MUCL1: variants seen among roughly 807,000 people sequenced by gnomAD.
The protein encoded by MUCL1 is mucin-like protein 1.
In MUCL1, 11 loss-of-function variants were observed where a neutral mutation model predicts 9.2. That is an observed-to-expected ratio of 1.19 (90% CI 0.75 to 1.97). The LOEUF is 1.97. Among genes scored for constraint, MUCL1 ranks in the 30% most tolerant of loss-of-function variants. The pLI is 0.00. For synonymous variants in MUCL1, 48 were observed against 40.5 expected (o/e 1.19, Z -0.71); for missense variants, 144 against 110.9 (o/e 1.30, Z -1.34).
upstream of MUCL1, among the ~76,000 whole-genome samples, chr12:54,838,623 C>A (rs928887667): frequency 2.6e-5 from 4 of 151,954 alleles, no homozygotes; most frequent in Non-Finnish European, 1.5e-5. Context: ...TTGTTCATTT[C>A]TTTTATTTTT....
intron 1 of MUCL1, among the ~76,000 whole-genome samples, chr12:54,842,411 T>C (rs957244997): frequency 1.3e-5 from 2 of 152,178 alleles, no homozygotes; most frequent in African/African-American, 2.4e-5. Context: ...TTTATGTTTA[T>C]CATGTACAAC....
chr12:54,839,793 C>A (rs1035901203), intron 1 of MUCL1, among the ~76,000 whole-genome samples: 1 of 152,164 alleles, frequency 6.6e-6, no homozygotes, highest in Non-Finnish European at 1.5e-5. Context: ...TACAGGTGCA[C>A]CCATGCTCAT....
At chr12:54,834,988 G>A (rs1276157081), upstream of MUCL1, among the ~76,000 whole-genome samples, 1 of 152,004 alleles carries the variant, frequency 6.6e-6, no homozygotes, top group African/African-American at 2.4e-5. Flanking sequence ...TTATAAGTGA[G>A]AACATACGGT....
intron 1 of MUCL1, among the ~76,000 whole-genome samples, chr12:54,833,710 C>T (rs1049297992): frequency 2.6e-5 from 4 of 151,178 alleles, no homozygotes; most frequent in Non-Finnish European, 5.9e-5. Flanking sequence ...TCTCAGCAAA[C>T]TATTGCAAGG....
intron 1 of MUCL1, among the ~76,000 whole-genome samples, chr12:54,843,673 C>T (rs1356332323): frequency 3.9e-5 from 6 of 152,148 alleles, no homozygotes; most frequent in Non-Finnish European, 7.3e-5. Context: ...ATAATCATTG[C>T]TGCCTCTGAG....
At chr12:54,856,223 A>G (rs1302283380) in intron 2 of MUCL1, among the ~76,000 whole-genome samples, 1 of 152,138 alleles carries the variant, frequency 6.6e-6, no homozygotes, top group Non-Finnish European at 1.5e-5. Context: ...GGTGAGACAA[A>G]TATGGCTCTT....
chr12:54,838,061 G>T (rs1334767107), upstream of MUCL1, among the ~76,000 whole-genome samples: 1 of 152,110 alleles, frequency 6.6e-6, no homozygotes, highest in East Asian at 1.9e-4. Context: ...TTCTATTCTG[G>T]TGCATATCCA....
upstream of MUCL1, among the ~76,000 whole-genome samples, chr12:54,835,296 A>G (rs1167341911): frequency 6.6e-6 from 1 of 152,122 alleles, no homozygotes; most frequent in Non-Finnish European, 1.5e-5. Flanking sequence ...TGGATCAAAC[A>G]GTAGATCTAC....
intron 1 of MUCL1, among the ~76,000 whole-genome samples, chr12:54,834,317 G>A (rs952475538): frequency 6.6e-6 from 1 of 151,948 alleles, no homozygotes; most frequent in Non-Finnish European, 1.5e-5. Context: ...TTACCTATCA[G>A]CATTTTTAAA....
intron 1 of MUCL1, among the ~76,000 whole-genome samples, chr12:54,841,810 G>A (rs533046099): frequency 1.1e-3 from 161 of 152,080 alleles, no homozygotes; most frequent in Non-Finnish European, 1.7e-3. Flanking sequence ...AAGCTTTTTG[G>A]TTTGATGTAG....
rs1376185132 is a variant in MUCL1 at position 54,856,866 on chromosome 12, C to T, written c.197C>T (p.Ser66Phe). ...AAPTTATTAA[S>F]TTARKDIPVL... ...CCTACCACTGCAACCACCGCTGCTT[C>T]TACCACTGCTCGTAAAGACATTCCA... Residue 66 changes from serine to phenylalanine, a missense_variant, in exon 3 of 4, where the codon TCT becomes TTT. Coordinates refer to ENST00000308796, the MANE Select transcript of MUCL1 (RefSeq NM_058173.3). The T allele has an allele frequency of 6.2e-7, 1 of 1,613,708 alleles. No homozygotes were observed. The highest frequency in any genetic ancestry group is 1.3e-5 in the African/African-American group (1 of 74,892).
upstream of MUCL1, among the ~76,000 whole-genome samples, chr12:54,849,605 C>A (rs1959306769): frequency 6.6e-6 from 1 of 151,872 alleles, no homozygotes; most frequent in South Asian, 2.1e-4. Context: ...GTTATACATA[C>A]AATATATGAT....
intron 2 of MUCL1, 154 bp downstream of exon 2, chr12:54,855,311 C>T: frequency 1.5e-6 from 1 of 649,698 alleles, no homozygotes; most frequent in South Asian, 1.8e-5. Context: ...TTAAAATTCA[C>T]CACAAACATA....
intron 1 of MUCL1, among the ~76,000 whole-genome samples, chr12:54,847,506 T>C (rs1959274557): frequency 1.3e-5 from 2 of 152,124 alleles, no homozygotes; most frequent in African/African-American, 2.4e-5. Flanking sequence ...TCCCAGCTAC[T>C]TGGGAGGCTA....
chr12:54,850,447 A>G (rs1262578690), upstream of MUCL1, among the ~76,000 whole-genome samples: 1 of 151,826 alleles, frequency 6.6e-6, no homozygotes, highest in Non-Finnish European at 1.5e-5. Context: ...GCTGAGAATG[A>G]TGGTTTCCAG....
chr12:54,856,097 T>C (rs1239885669), intron 2 of MUCL1, among the ~76,000 whole-genome samples: 3 of 131,804 alleles, frequency 2.3e-5, no homozygotes, highest in Non-Finnish European at 5.0e-5. Context: ...CCTTTGTACA[T>C]ATAGTAATTA....
chr12:54,844,416 A>G (rs181530398), intron 1 of MUCL1, among the ~76,000 whole-genome samples: 89 of 152,310 alleles, frequency 5.8e-4, no homozygotes, highest in African/African-American at 1.9e-3. Context: ...ATGAACCATG[A>G]CACACATTTA....
upstream of MUCL1, among the ~76,000 whole-genome samples, chr12:54,852,820 T>G (rs942781630): frequency 3.9e-5 from 6 of 152,282 alleles, no homozygotes; most frequent in Admixed American, 1.3e-4. Context: ...ATAGTATCTG[T>G]CTTTTAAGTC....
chr12:54,838,790 A>C (rs757756965), upstream of MUCL1, among the ~76,000 whole-genome samples: 1 of 151,958 alleles, frequency 6.6e-6, no homozygotes, highest in African/African-American at 2.4e-5. Flanking sequence ...TTTCTTTAAG[A>C]TATCTATCTC....
Sources: allele counts gnomAD v4.1 joint callset (sites outside exome capture counted in the v4.1 genomes callset), GRCh38; gene constraint gnomAD v4.1.1; transcripts MANE v1.5; gene names NCBI Gene and HGNC (gene_info 2026-07-23, HGNC 2026-07-21).